The following NCOR1 variants were observed in gnomAD, a reference collection of about 807,000 sequenced individuals.
NCOR1 encodes the protein nuclear receptor corepressor 1.
In NCOR1, 63 loss-of-function variants were observed where a neutral mutation model predicts 288.1. The observed-to-expected ratio is 0.22, with a 90% confidence interval of 0.18 to 0.27. The LOEUF is 0.27. Among genes scored for constraint, NCOR1 ranks in the 10% least tolerant of loss-of-function variants. NCOR1 has a pLI of 1.00. For synonymous variants in NCOR1, 1,007 were observed against 1,065.9 expected (o/e 0.94, Z 1.08); for missense variants, 2,397 against 3,019.2 (o/e 0.79, Z 4.83).
At chr17:16,124,164 G>C (rs904931275) in intron 15 of NCOR1, among the ~76,000 whole-genome samples, 4 of 152,162 alleles carry the variant, frequency 2.6e-5, no homozygotes, top group African/African-American at 9.7e-5. Flanking sequence ...CAAGTGACTA[G>C]CTACTTTAGC....
In NCOR1 at chr17:16,039,413, C is replaced by T. The variant is rs1207866557; in HGVS notation, c.6955+20G>A. 1 of 1,606,296 alleles carries T rather than the reference C, an allele frequency of 6.2e-7. No homozygotes were observed. The highest frequency in any genetic ancestry group is 8.5e-7 in the Non-Finnish European group (1 of 1,174,598). On this transcript the variant is annotated intron_variant, in intron 44 of 45. Coordinates refer to ENST00000268712, the MANE Select transcript of NCOR1 (RefSeq NM_006311.4). The stretch of plus-strand genomic sequence containing the variant: ...TTTTTGGGGAAAAGCAGCAGAAAAG[C>T]ACTAAAATGAAAGCTGTACCTGAAT...
chr17:16,116,960 T>C (rs183395555), intron 18 of NCOR1, among the ~76,000 whole-genome samples: 95 of 152,318 alleles, frequency 6.2e-4, no homozygotes, highest in African/African-American at 2.2e-3. Flanking sequence ...ACACCATAAA[T>C]GCAAATGTCA....
chr17:16,124,929 G>C (rs2073733896), intron 15 of NCOR1, among the ~76,000 whole-genome samples: 1 of 152,180 alleles, frequency 6.6e-6, no homozygotes, highest in African/African-American at 2.4e-5. Context: ...CTGGAGGAAA[G>C]TATATATTAC....
At chr17:16,145,726 C>A (rs1299493714) in intron 10 of NCOR1, among the ~76,000 whole-genome samples, 1 of 151,912 alleles carries the variant, frequency 6.6e-6, no homozygotes, top group East Asian at 1.9e-4. Context: ...GGGGGCAGCC[C>A]CTGCCCAGTC....
chr17:16,081,382 TAAA>T (rs67148328), intron 23 of NCOR1, among the ~76,000 whole-genome samples: 6 of 139,502 alleles, frequency 4.3e-5, no homozygotes, highest in African/African-American at 7.9e-5. Flanking sequence ...AATATTTATT[TAAA>T]AAAAAAAAAA....
intron 31 of NCOR1, among the ~76,000 whole-genome samples, chr17:16,068,715 A>ATTTTT (rs11438641): frequency 7.4e-6 from 1 of 135,264 alleles, no homozygotes; most frequent in Admixed American, 7.6e-5. Context: ...ATCATCCTCA[A>ATTTTT]TTTTTTTTTT....
chr17:16,069,734 G>T (rs767278827), intron 31 of NCOR1, among the ~76,000 whole-genome samples: 26 of 152,152 alleles, frequency 1.7e-4, no homozygotes, highest in Non-Finnish European at 3.1e-4. Context: ...TACAGATCAG[G>T]AAACTAAGCT....
chr17:16,041,188 G>C (rs2057495526), intron 42 of NCOR1: 1 of 152,158 alleles, frequency 6.6e-6, no homozygotes, highest in Non-Finnish European at 1.5e-5. Context: ...TTTCATTCCT[G>C]CTGACTGTGC....
intron 18 of NCOR1, among the ~76,000 whole-genome samples, chr17:16,113,115 C>T (rs1356522580): frequency 6.6e-6 from 1 of 151,790 alleles, no homozygotes. Flanking sequence ...CGGGGTTTCA[C>T]CATGTTAGCC....
At chr17:16,044,763 C>A in intron 42 of NCOR1, 2 of 876,442 alleles carry the variant, frequency 2.3e-6, no homozygotes, top group Non-Finnish European at 1.9e-6. Context: ...AGCTTGTTTG[C>A]AATGGCCCTG....
chr17:16,112,835 T>G (rs1002758665), intron 18 of NCOR1, among the ~76,000 whole-genome samples: 2 of 151,868 alleles, frequency 1.3e-5, no homozygotes, highest in African/African-American at 4.8e-5. Context: ...AGATAGACAC[T>G]TACTATATCA....
chr17:16,077,508 G>A (rs1171377041), intron 26 of NCOR1, among the ~76,000 whole-genome samples: 2 of 33,922 alleles, frequency 5.9e-5, no homozygotes, highest in East Asian at 8.8e-4. Flanking sequence ...GAGAGGGGAG[G>A]AGAGGGGAGG....
chr17:16,147,968 C>G (rs769437378), intron 9 of NCOR1, among the ~76,000 whole-genome samples: 7 of 152,200 alleles, frequency 4.6e-5, no homozygotes, highest in Non-Finnish European at 1.0e-4. Context: ...CAAGCATGCG[C>G]CACCACGCCT....
intron 4 of NCOR1, among the ~76,000 whole-genome samples, chr17:16,167,184 A>G (rs537019438): frequency 6.6e-6 from 1 of 152,330 alleles, no homozygotes; most frequent in East Asian, 1.9e-4. Context: ...TTAATATTAC[A>G]AATGAATATT....
intron 2 of NCOR1, among the ~76,000 whole-genome samples, chr17:16,187,243 T>C (rs891567954): frequency 7.9e-5 from 12 of 151,410 alleles, no homozygotes; most frequent in African/African-American, 2.9e-4. Flanking sequence ...AACAAATCTA[T>C]TGTGCTAACT....
intron 2 of NCOR1, among the ~76,000 whole-genome samples, chr17:16,189,985 C>G (rs184916618): frequency 6.6e-6 from 1 of 152,294 alleles, no homozygotes; most frequent in East Asian, 1.9e-4. Flanking sequence ...ATAATCCCAG[C>G]ACTTTAGGAG....
chr17:16,157,373 C>A (rs557882802), intron 6 of NCOR1, among the ~76,000 whole-genome samples: 1 of 152,218 alleles, frequency 6.6e-6, no homozygotes, highest in South Asian at 2.1e-4. Flanking sequence ...ATAACACTTA[C>A]CATTACCGTA....
chr17:16,159,413 C>CAAAAAAAAAAAAA (rs35243097), intron 5 of NCOR1, among the ~76,000 whole-genome samples: 2 of 66,294 alleles, frequency 3.0e-5, no homozygotes, highest in Non-Finnish European at 5.6e-5. Context: ...AACTCTATCT[C>CAAAAAAAAAAAAA]AAAAAAAAAA....
At chr17:16,144,765 C>T (rs1184396732) in intron 10 of NCOR1, among the ~76,000 whole-genome samples, 1 of 151,654 alleles carries the variant, frequency 6.6e-6, no homozygotes, top group African/African-American at 2.4e-5. Context: ...TCCACGATCT[C>T]CCTCTCCCTC....
Sources: allele counts gnomAD v4.1 joint callset (sites outside exome capture counted in the v4.1 genomes callset), GRCh38; gene constraint gnomAD v4.1.1; transcripts MANE v1.5; gene names NCBI Gene and HGNC (gene_info 2026-07-23, HGNC 2026-07-21).